ADGRL3: variants seen among roughly 807,000 people sequenced by gnomAD.
ADGRL3 encodes the protein adhesion G protein-coupled receptor L3.
Under a neutral mutation model 153.5 loss-of-function variants are expected in ADGRL3, and 62 were observed. That is an observed-to-expected ratio of 0.40 (90% CI 0.33 to 0.50). ADGRL3 has a LOEUF of 0.50. Ranked by LOEUF, ADGRL3 falls within the 20% of genes least tolerant of loss-of-function variation. ADGRL3 has a pLI of 0.47. For missense variants in ADGRL3, 1,641 were observed against 1,859.4 expected (o/e 0.88, Z 2.16); for synonymous variants, 710 against 672.5 (o/e 1.06, Z -0.86).
chr4:61,282,545 G>T (rs1578109133), intron 1 of ADGRL3, among the ~76,000 whole-genome samples: 1 of 151,964 alleles, frequency 6.6e-6, no homozygotes, highest in Admixed American at 6.6e-5. Context: ...GATTTATAAT[G>T]CTTTTGAAGG....
intron 13 of ADGRL3, among the ~76,000 whole-genome samples, chr4:61,913,953 G>T (rs2098733730): frequency 6.6e-6 from 1 of 152,066 alleles, no homozygotes; most frequent in Non-Finnish European, 1.5e-5. Flanking sequence ...TATCCCATTT[G>T]TAAATTCTAT....
chr4:61,405,766 G>A (rs1176867691), intron 2 of ADGRL3, among the ~76,000 whole-genome samples: 1 of 151,826 alleles, frequency 6.6e-6, no homozygotes, highest in Non-Finnish European at 1.5e-5. Flanking sequence ...TGCAAAACAT[G>A]TTTTCCACGT....
intron 17 of ADGRL3, among the ~76,000 whole-genome samples, chr4:61,951,801 G>T (rs1027841284): frequency 3.9e-5 from 6 of 152,092 alleles, no homozygotes; most frequent in Non-Finnish European, 5.9e-5. Context: ...GGAAGCAGAG[G>T]TTGCAGTGAG....
chr4:61,772,234 A>G (rs185489308), intron 8 of ADGRL3, among the ~76,000 whole-genome samples: 78 of 152,276 alleles, frequency 5.1e-4, no homozygotes, highest in African/African-American at 1.7e-3. Context: ...TGGATAGGAA[A>G]AAAAATCTTA....
chr4:61,385,699 T>C (rs548947334), intron 2 of ADGRL3: 1 of 152,314 alleles, frequency 6.6e-6, no homozygotes, highest in Admixed American at 6.5e-5. Flanking sequence ...TTGTTTGGAT[T>C]AATTTTTGTA....
chr4:61,338,117 TA>T (rs1285237115), intron 1 of ADGRL3, among the ~76,000 whole-genome samples: 1 of 151,226 alleles, frequency 6.6e-6, no homozygotes, highest in Non-Finnish European at 1.5e-5. Flanking sequence ...ATAATAATAA[TA>T]AAAATAGCTG....
At chr4:61,697,372 C>G (rs540754538) in intron 6 of ADGRL3, among the ~76,000 whole-genome samples, 1 of 152,020 alleles carries the variant, frequency 6.6e-6, no homozygotes, top group Non-Finnish European at 1.5e-5. Context: ...ACCAGCCTGG[C>G]CAACATGGTG....
chr4:61,665,170 G>A (rs2094744532), intron 5 of ADGRL3, among the ~76,000 whole-genome samples: 2 of 152,280 alleles, frequency 1.3e-5, no homozygotes. Flanking sequence ...CAGCACTGTG[G>A]GAGGCCGAGT....
intron 9 of ADGRL3, among the ~76,000 whole-genome samples, chr4:61,834,490 G>T (rs985618196): frequency 2.0e-5 from 3 of 152,146 alleles, no homozygotes; most frequent in Admixed American, 1.3e-4. Flanking sequence ...CAGGATGGCT[G>T]GGTCAAATGG....
At chr4:61,453,174 G>C (rs1340060614) in intron 2 of ADGRL3, among the ~76,000 whole-genome samples, 1 of 152,076 alleles carries the variant, frequency 6.6e-6, no homozygotes, top group Non-Finnish European at 1.5e-5. Context: ...AATGTCTGAA[G>C]GACACTGAAC....
At chr4:62,029,475 G>A (rs1455558538) in intron 22 of ADGRL3, among the ~76,000 whole-genome samples, 1 of 151,594 alleles carries the variant, frequency 6.6e-6, no homozygotes, top group Non-Finnish European at 1.5e-5. Flanking sequence ...CTGAAATAAA[G>A]CTACAAGTCT....
intron 1 of ADGRL3, among the ~76,000 whole-genome samples, chr4:61,269,776 C>A (rs72634732): frequency 0.022 from 3,405 of 151,818 alleles, 57 homozygotes; most frequent in Non-Finnish European, 0.035. Flanking sequence ...ACCAGACTAT[C>A]ACATTTAATC....
At chr4:61,914,926 T>C (rs994404900) in intron 13 of ADGRL3, among the ~76,000 whole-genome samples, 10 of 152,096 alleles carry the variant, frequency 6.6e-5, no homozygotes, top group Admixed American at 2.0e-4. Context: ...CAATTCTTAT[T>C]ACTTTAATCT....
At chr4:61,345,208 T>C (rs1286999679) in intron 1 of ADGRL3, among the ~76,000 whole-genome samples, 2 of 152,094 alleles carry the variant, frequency 1.3e-5, no homozygotes, top group Admixed American at 6.6e-5. Context: ...AAAATAATTA[T>C]GTTGGTTTTA....
intron 6 of ADGRL3, among the ~76,000 whole-genome samples, chr4:61,689,565 A>T (rs2095503240): frequency 6.6e-6 from 1 of 152,170 alleles, no homozygotes. Context: ...TTAAATTTCC[A>T]AAGTGATTTT....
chr4:61,370,104 T>C (rs2096490916), intron 1 of ADGRL3, among the ~76,000 whole-genome samples: 3 of 152,320 alleles, frequency 2.0e-5, no homozygotes, highest in Admixed American at 2.0e-4. Flanking sequence ...ATTGCGTCTA[T>C]TTGATTCTTC....
intron 9 of ADGRL3, among the ~76,000 whole-genome samples, chr4:61,890,701 G>A (rs1422431370): frequency 6.6e-6 from 1 of 152,138 alleles, no homozygotes; most frequent in Non-Finnish European, 1.5e-5. Context: ...TTACACTGGG[G>A]ATGAAGTTTC....
chr4:61,954,474 C>T (rs1177351067), intron 17 of ADGRL3, among the ~76,000 whole-genome samples: 1 of 152,046 alleles, frequency 6.6e-6, no homozygotes, highest in East Asian at 1.9e-4. Context: ...CATGTCACTC[C>T]TCAAATTTAT....
At chr4:61,292,858 T>G (rs1251681274) in intron 1 of ADGRL3, among the ~76,000 whole-genome samples, 1 of 152,282 alleles carries the variant, frequency 6.6e-6, no homozygotes, top group Middle Eastern at 3.4e-3. Context: ...TAGAACCTTC[T>G]TGACCAAAAC....
Sources: gnomAD v4.1 joint callset for allele counts (sites outside exome capture counted in the v4.1 genomes callset) on GRCh38, gnomAD v4.1.1 for gene constraint, MANE v1.5 for transcripts, NCBI Gene and HGNC (gene_info 2026-07-23, HGNC 2026-07-21) for gene names.